The following LYST variants were observed in gnomAD, a reference collection of about 807,000 sequenced individuals.
LYST encodes lysosomal trafficking regulator.
A neutral mutation model predicts 413.6 loss-of-function variants in LYST; 192 were observed. The ratio of observed to expected loss-of-function variants is 0.46; its 90% CI spans 0.41 to 0.52. The LOEUF (loss-of-function observed/expected upper bound fraction) is 0.52, where lower values mean the gene tolerates loss of function less well. Ranked by LOEUF, LYST falls within the 20% of genes least tolerant of loss-of-function variation. The pLI, the probability that LYST is intolerant of heterozygous loss-of-function variation, is 0.00. For synonymous variants in LYST, 1,525 were observed against 1,567.3 expected, an observed-to-expected ratio of 0.97 and a Z score of 0.64; for missense variants, 3,815 against 4,499.9, an observed-to-expected ratio of 0.85 and a Z score of 4.35.
chr1:235,754,717 G>T (rs1666840842), intron 25 of LYST, among the ~76,000 whole-genome samples: 1 of 151,888 alleles, frequency 6.6e-6, no homozygotes, highest in Non-Finnish European at 1.5e-5. Flanking sequence ...ACTTTTAGCA[G>T]ATTTTTTCTA....
intron 1 of LYST, among the ~76,000 whole-genome samples, chr1:235,877,703 GC>G (rs1370635782): frequency 2.0e-5 from 3 of 152,050 alleles, no homozygotes; most frequent in Non-Finnish European, 2.9e-5. Context: ...ACCGCGCCTG[GC>G]CGGTCAACTT....
chr1:235,758,693 A>G (rs1221574022), intron 23 of LYST, among the ~76,000 whole-genome samples: 1 of 152,206 alleles, frequency 6.6e-6, no homozygotes, highest in Non-Finnish European at 1.5e-5. Flanking sequence ...TCTGTCCTGA[A>G]GAATTTTCCT....
In LYST at chr1:235,743,609, T is replaced by C. The variant is rs780721352; in HGVS notation, c.8151+370A>G. Reference sequence around the variant, plus strand: ...TTAGGCCAAGATCTAAAATTCATAATAATTAGAAAAATGAGAGTAAGTAGC... The same window carrying C: ...TTAGGCCAAGATCTAAAATTCATAACAATTAGAAAAATGAGAGTAAGTAGC... On this transcript the variant is annotated intron_variant, in intron 30 of 52. Transcript: ENST00000389793. Among the ~76,000 whole-genome samples, 34 of 152,136 alleles carry C rather than the reference T, an allele frequency of 2.2e-4. 2 individuals carry two copies. Among genetic ancestry groups the C allele is most frequent in the African/African-American group, 7.2e-5 (3 of 41,438 alleles).
At position 235,808,537 on chromosome 1, in the gene LYST, C is replaced by G; in HGVS notation, c.2281G>C (p.Val761Leu). The G allele has an allele frequency of 1.9e-6, 3 of 1,613,686 alleles. No homozygotes were observed. Among genetic ancestry groups the G allele is most frequent in the Non-Finnish European group, 2.5e-6 (3 of 1,179,862 alleles). The change falls in exon 5 of 53, where the codon GTA (valine) becomes CTA (leucine). Residue 761 changes from valine to leucine, a missense_variant. Around this residue, in one of 4 missense-constraint regions of LYST, gnomAD observed 1,648 missense variants for 1,810.3 expected, o/e 0.91. Coordinates refer to ENST00000389793, the MANE Select transcript of LYST (RefSeq NM_000081.4). ...HLSVTSAQSHVCSHHNQCLPQ... is the reference protein window; with the variant it reads ...HLSVTSAQSHLCSHHNQCLPQ... ...AAGCACTGGTTATGATGGCTACATA[C>G]ATGACTTTGAGCTGAAGTAACGCTT...
At chr1:235,872,251 G>A (rs1277021861) in intron 1 of LYST, among the ~76,000 whole-genome samples, 1 of 140,876 alleles carries the variant, frequency 7.1e-6, no homozygotes, top group Non-Finnish European at 1.5e-5. Context: ...AGCCAAGATC[G>A]CACCACTGCA....
At chr1:235,837,188 A>G (rs1676665942) in intron 1 of LYST, among the ~76,000 whole-genome samples, 1 of 152,212 alleles carries the variant, frequency 6.6e-6, no homozygotes, top group Non-Finnish European at 1.5e-5. Context: ...AGCATGGCTG[A>G]GTCAATGGAG....
chr1:235,665,943 C>T (rs578065435), intron 50 of LYST, among the ~76,000 whole-genome samples: 6 of 152,096 alleles, frequency 3.9e-5, no homozygotes, highest in East Asian at 3.9e-4. Flanking sequence ...TTAGGAGGCA[C>T]GATAAAGTTT....
intron 25 of LYST, among the ~76,000 whole-genome samples, chr1:235,754,445 G>C (rs1666810948): frequency 6.6e-6 from 1 of 151,532 alleles, no homozygotes; most frequent in Non-Finnish European, 1.5e-5. Flanking sequence ...GGTCAGGCTT[G>C]AACTCCTGAC....
chr1:235,826,380 T>C (rs1675338557), intron 3 of LYST, among the ~76,000 whole-genome samples: 1 of 152,194 alleles, frequency 6.6e-6, no homozygotes, highest in Non-Finnish European at 1.5e-5. Flanking sequence ...CTCAAAAGAT[T>C]AAACAGCAGG....
chr1:235,689,122 T>C (rs1305086060), intron 47 of LYST, among the ~76,000 whole-genome samples: 1 of 151,862 alleles, frequency 6.6e-6, no homozygotes, highest in Non-Finnish European at 1.5e-5. Flanking sequence ...GAAATGTATC[T>C]CTAGATGAAA....
rs1657953868 is a variant in LYST at position 235,724,162 on chromosome 1, C to T, written c.9181G>A (p.Glu3061Lys). The change falls in exon 39 of 53, where the codon GAA becomes AAA. Residue 3061 changes from glutamate to lysine, a missense_variant. By Grantham distance (56) the Glu-to-Lys change is moderately conservative. Coordinates refer to ENST00000389793, the MANE Select transcript of LYST (RefSeq NM_000081.4). ...TATGTCCAGGAAAATGATGCTGGTT[C>T]CAACTCTCCCTGAAGGCTCTAAGAC... ...VESSSLQGEL[E>K]PASFSWTYEE... 1.2e-5 allele frequency: 20 copies of T among 1,613,774 alleles called. No individual in the cohort carries two copies. Among genetic ancestry groups the T allele is most frequent in the Non-Finnish European group, 1.7e-5 (20 of 1,179,804 alleles).
Position 235,709,173 on chromosome 1 carries a change from A to G in LYST, c.10061T>C (p.Ile3354Thr). Reference sequence around the variant, plus strand: ...AAACACCAAGTCAATCCACTGACAGATGTTCTGCGACACGTAGTCAGACTC... The same window carrying G: ...AAACACCAAGTCAATCCACTGACAGGTGTTCTGCGACACGTAGTCAGACTC... ...ALESDYVSQN[I>T]CQWIDLVFGY... Residue 3354 changes from isoleucine (I) to threonine (T), a missense_variant, in exon 44 of 53, where the codon ATC (isoleucine) becomes ACC (threonine). This residue lies in a region of LYST where 866 missense variants were observed against 1,156.0 expected (regional missense o/e 0.75). Coordinates refer to ENST00000389793, the MANE Select transcript of LYST (RefSeq NM_000081.4). 6.2e-7 allele frequency: 1 copy of G among 1,614,150 alleles called. No individual in the cohort carries two copies. The highest frequency in any genetic ancestry group is 2.2e-5 in the East Asian group (1 of 44,882).
At position 235,746,471 on chromosome 1, in the gene LYST, C is replaced by A; in HGVS notation, c.7837G>T (p.Val2613Leu). 1 of 1,613,864 alleles carries A rather than the reference C, an allele frequency of 6.2e-7. No individual in the cohort carries two copies. Among genetic ancestry groups the A allele is most frequent in the Non-Finnish European group, 8.5e-7 (1 of 1,179,886 alleles). Reference sequence around the variant, plus strand: ...ATCACATGAAGCTCATCATTTGCCACTGAACGCATTTTCATCAGAAGCGAT... The same window carrying A: ...ATCACATGAAGCTCATCATTTGCCAATGAACGCATTTTCATCAGAAGCGAT... Reference protein sequence around the residue: ...TESLLMKMRSVANDELHVMMQ... With the variant: ...TESLLMKMRSLANDELHVMMQ... The change falls in exon 29 of 53, where the codon GTG becomes TTG. Residue 2613 changes from valine to leucine, a missense_variant. Val to Leu is a conservative substitution (Grantham distance 32). This residue lies in a region of LYST where 771 missense variants were observed against 837.1 expected (regional missense o/e 0.92). Coordinates refer to ENST00000389793, the MANE Select transcript of LYST (RefSeq NM_000081.4).
At chr1:235,880,223 GAGA>G (rs1260197220) in intron 1 of LYST, among the ~76,000 whole-genome samples, 2 of 152,136 alleles carry the variant, frequency 1.3e-5, no homozygotes, top group African/African-American at 2.4e-5. Flanking sequence ...CTCAATTTCA[GAGA>G]AGAAGGAAGA....
intron 1 of LYST, among the ~76,000 whole-genome samples, chr1:235,844,161 C>T (rs1677522660): frequency 6.6e-6 from 1 of 151,916 alleles, no homozygotes; most frequent in Non-Finnish European, 1.5e-5. Context: ...ATTCTAAATC[C>T]CAGCTCTCCA....
At chr1:235,667,881 T>G (rs928310961) in intron 50 of LYST, among the ~76,000 whole-genome samples, 2 of 151,948 alleles carry the variant, frequency 1.3e-5, no homozygotes, top group Non-Finnish European at 2.9e-5. Flanking sequence ...CCAGGATGGT[T>G]TTGATCTCCT....
chr1:235,701,559 C>A (rs1661552981), intron 45 of LYST, among the ~76,000 whole-genome samples: 1 of 152,100 alleles, frequency 6.6e-6, no homozygotes, highest in Non-Finnish European at 1.5e-5. Flanking sequence ...ACCCGGGAGG[C>A]AGAGGTTGCA....
At chr1:235,769,188 T>C (rs1006512003) in intron 20 of LYST, among the ~76,000 whole-genome samples, 2 of 152,018 alleles carry the variant, frequency 1.3e-5, no homozygotes, top group African/African-American at 2.4e-5. Context: ...AAGTCTTAAG[T>C]TGCCACGTGG....
rs976458726 is a variant in LYST, at chr1:235,698,744, G to A, written c.10375-1472C>T. 3.3e-5 allele frequency among the ~76,000 whole-genome samples: 5 copies of A among 152,050 alleles called. No homozygotes were observed. In the East Asian group the frequency reaches 9.6e-4, roughly 29 times the overall value. ...AAAATTTAACTGGGCGTGGTGGCGG[G>A]TGCCTGCAGTCCCAGCTGCTCGGGA... On this transcript the variant is annotated intron_variant, in intron 45 of 52. Transcript: ENST00000389793.
Sources: gnomAD v4.1 joint callset for allele counts (sites outside exome capture counted in the v4.1 genomes callset) on GRCh38, gnomAD v4.1.1 for gene constraint, gnomAD v4.1.1 regional missense constraint, MANE v1.5 for transcripts, NCBI Gene and HGNC (gene_info 2026-07-23, HGNC 2026-07-21) for gene names.